IBTK: variants seen among roughly 807,000 people sequenced by gnomAD.
IBTK encodes inhibitor of Bruton tyrosine kinase.
In IBTK, 83 loss-of-function variants were observed where a neutral mutation model predicts 154.9. The ratio of observed to expected loss-of-function variants is 0.54; its 90% CI spans 0.45 to 0.64. The LOEUF is 0.64. IBTK is among the 30% of genes least tolerant of loss of function. The pLI is 0.00. For missense variants in IBTK, 1,332 were observed against 1,584.6 expected, an observed-to-expected ratio of 0.84 and a Z score of 2.71; for synonymous variants, 515 against 536.1, an observed-to-expected ratio of 0.96 and a Z score of 0.54.
At chr6:82,178,993 C>T (rs1768218148) in intron 26 of IBTK, among the ~76,000 whole-genome samples, 1 of 152,208 alleles carries the variant, frequency 6.6e-6, no homozygotes, top group Non-Finnish European at 1.5e-5. Flanking sequence ...TAGCTTTTCT[C>T]TTAAAAGCAG....
chr6:82,208,910 GAA>G (rs1374166119), intron 16 of IBTK, among the ~76,000 whole-genome samples: 1 of 151,764 alleles, frequency 6.6e-6, no homozygotes, highest in Non-Finnish European at 1.5e-5. Context: ...AAATAATTGA[GAA>G]AAAAAGTGTC....
intron 16 of IBTK, among the ~76,000 whole-genome samples, chr6:82,209,034 G>T (rs1734398737): frequency 6.6e-6 from 1 of 152,142 alleles, no homozygotes. Context: ...CCACAATGTT[G>T]CATAACTTCA....
chr6:82,227,102 C>G, intron 5 of IBTK, 90 bp downstream of exon 5: 3 of 757,188 alleles, frequency 4.0e-6, no homozygotes, highest in Middle Eastern at 2.4e-4. Context: ...TTCGTCCTTA[C>G]AGTTGAAAAA....
intron 26 of IBTK, 49 bp from the exon 27 acceptor site, chr6:82,173,487 G>GTCAAACTGCTTATTA (rs775610918): frequency 6.9e-7 from 1 of 1,451,404 alleles, no homozygotes; most frequent in Non-Finnish European, 9.7e-7. Context: ...AGTAATATTA[G>GTCAAACTGCTTATTA]TCAAACTGCT....
intron 17 of IBTK, among the ~76,000 whole-genome samples, chr6:82,203,171 C>T (rs767541266): frequency 2.4e-4 from 36 of 151,752 alleles, no homozygotes; most frequent in Admixed American, 3.9e-4. Context: ...TTTGAAAATA[C>T]GTACATCACA....
At chr6:82,193,836 C>T (rs994524183) in intron 23 of IBTK, among the ~76,000 whole-genome samples, 1 of 152,016 alleles carries the variant, frequency 6.6e-6, no homozygotes, top group Non-Finnish European at 1.5e-5. Context: ...TGCGTACCAC[C>T]ACGCCTGGCT....
intron 11 of IBTK, 32 bp from the exon 12 acceptor site, chr6:82,214,861 A>C: frequency 6.6e-7 from 1 of 1,515,606 alleles, no homozygotes; most frequent in Non-Finnish European, 8.8e-7. Context: ...ATTATGCTTC[A>C]AAAAATATGA....
At chr6:82,229,144 T>C (rs1444718846) in intron 4 of IBTK, among the ~76,000 whole-genome samples, 1 of 152,148 alleles carries the variant, frequency 6.6e-6, no homozygotes, top group African/African-American at 2.4e-5. Flanking sequence ...CTGAAATTTA[T>C]ACTGATTTCT....
chr6:82,186,768 T>A (rs1437020420), intron 25 of IBTK, among the ~76,000 whole-genome samples: 1 of 152,150 alleles, frequency 6.6e-6, no homozygotes, highest in African/African-American at 2.4e-5. Flanking sequence ...ATCTAAATTA[T>A]CTATAATTGG....
intron 16 of IBTK, chr6:82,205,187 G>C (rs2127809890): frequency 3.4e-6 from 1 of 296,422 alleles, no homozygotes; most frequent in East Asian, 6.0e-5. Flanking sequence ...GTAGAAAGCT[G>C]ACAAAATTAC....
chr6:82,198,475 T>C (rs565081087), intron 21 of IBTK, among the ~76,000 whole-genome samples: 2 of 152,310 alleles, frequency 1.3e-5, no homozygotes, highest in African/African-American at 4.8e-5. Flanking sequence ...TTTATCTTTA[T>C]GTTATCTAAA....
At position 82,206,262 on chromosome 6, in the gene IBTK, T is replaced by C. The variant is rs1384347852; in HGVS notation, c.2510-1304A>G. Among the ~76,000 whole-genome samples the C allele has an allele frequency of 3.3e-5, 5 of 152,108 alleles. No homozygotes were observed. The East Asian group carries it at 5.8e-4, about 18-fold the overall frequency. ...CTAGTAGCCACAGGAGACAGAACAG[T>C]TGTAGAGCAATAGTATCCTTATTTG... On this transcript the variant is annotated intron_variant, in intron 16 of 28. Coordinates refer to ENST00000306270, the MANE Select transcript of IBTK (RefSeq NM_015525.4).
chr6:82,228,769 C>A lies in IBTK; in HGVS notation c.544-1467G>T, dbSNP rs1770390088. On this transcript the variant is annotated intron_variant, in intron 4 of 28. Transcript: ENST00000306270. ...CCCGAGTAGCTGGGACTACAGGTGCCCGCCACCACGCCTGGCTAATTTTTT... is the reference window on the plus strand; with the variant it reads ...CCCGAGTAGCTGGGACTACAGGTGCACGCCACCACGCCTGGCTAATTTTTT... Among the ~76,000 whole-genome samples the A allele has an allele frequency of 4.0e-5, 6 of 151,884 alleles. 1 individual carries two copies. In the South Asian group the frequency reaches 1.2e-3, roughly 32 times the overall value.
intron 3 of IBTK, among the ~76,000 whole-genome samples, chr6:82,232,967 A>C (rs1770565378): frequency 6.6e-6 from 1 of 152,162 alleles, no homozygotes; most frequent in Non-Finnish European, 1.5e-5. Flanking sequence ...AACCTGACCA[A>C]CATGAAGAAA....
At position 82,247,670 on chromosome 6, in the gene IBTK, GC is replaced by G. The variant is rs1771208529; in HGVS notation, c.-467del. Reference sequence around the variant, plus strand: ...AGAGAAACCGAACGGCGCCAGAGGGGCCAGTCCCCAGACCCGGGTCAGTTCG... The same window carrying G: ...AGAGAAACCGAACGGCGCCAGAGGGGCAGTCCCCAGACCCGGGTCAGTTCG... On this transcript the variant is annotated 5_prime_UTR_variant, in exon 1 of 29. Transcript: ENST00000306270. 2 of 398,780 alleles carry G rather than the reference GC, an allele frequency of 5.0e-6. No homozygotes were observed. Among genetic ancestry groups the G allele is most frequent in the African/African-American group, 4.1e-5 (2 of 48,648 alleles). 24.7% of individuals were successfully genotyped at this position (398,780 alleles called of 1,614,324 possible).
At chr6:82,190,060 C>CT (rs748156968) in intron 25 of IBTK, among the ~76,000 whole-genome samples, 1 of 152,100 alleles carries the variant, frequency 6.6e-6, no homozygotes, top group Non-Finnish European at 1.5e-5. Flanking sequence ...TTCTGCTAAG[C>CT]TCATCCTCTC....
intron 4 of IBTK, among the ~76,000 whole-genome samples, chr6:82,229,633 G>A (rs1240816959): frequency 9.9e-5 from 15 of 151,978 alleles, no homozygotes; most frequent in Non-Finnish European, 1.2e-4. Flanking sequence ...CTCTAGACTA[G>A]GTGAGCAGCT....
In IBTK at chr6:82,224,012, TA is replaced by T. The variant is rs1770201954; in HGVS notation, c.943+55del. The stretch of plus-strand genomic sequence containing the variant: ...ATCAATAAAAATTAAAAAGAAAAGA[TA>T]ATTTTTTAAAGAGTCCAATTTAATT... On this transcript the variant is annotated intron_variant, in intron 7 of 28. Coordinates refer to ENST00000306270, the MANE Select transcript of IBTK (RefSeq NM_015525.4). 8.3e-6 allele frequency: 8 copies of T among 958,366 alleles called. No homozygotes were observed. In the South Asian group the frequency reaches 1.2e-4, roughly 14 times the overall value. The allele number at this position is 958,366 out of a possible 1,614,324, so 59.4% of individuals were successfully genotyped here. A position where few individuals can be genotyped will look rare whatever the true frequency, so the allele number is the denominator to read the frequency against.
chr6:82,191,730 C>G, intron 24 of IBTK, 57 bp downstream of exon 24: 1 of 1,054,272 alleles, frequency 9.5e-7, no homozygotes, highest in South Asian at 1.3e-5. Flanking sequence ...TAAGTCTGTC[C>G]AATTCTTAGG....
Sources: gnomAD v4.1 joint callset for allele counts (sites outside exome capture counted in the v4.1 genomes callset) on GRCh38, gnomAD v4.1.1 for gene constraint, MANE v1.5 for transcripts, NCBI Gene and HGNC (gene_info 2026-07-23, HGNC 2026-07-21) for gene names.